Variants in TAF2 observed in about 807,000 individuals in gnomAD.
TAF2 encodes transcription initiation factor TFIID subunit 2.
Under a neutral mutation model 138.5 loss-of-function variants are expected in TAF2, and 61 were observed. The ratio of observed to expected loss-of-function variants is 0.44; its 90% CI spans 0.36 to 0.54. The LOEUF (loss-of-function observed/expected upper bound fraction) is 0.54. Ranked by LOEUF, TAF2 falls within the 20% of genes least tolerant of loss-of-function variation. The pLI is 0.00. For synonymous variants in TAF2, 475 were observed against 469.9 expected (o/e 1.01, Z -0.14); for missense variants, 1,090 against 1,427.9 (o/e 0.76, Z 3.81).
At chr8:119,832,171 TA>T (rs772438078) in intron 1 of TAF2, among the ~76,000 whole-genome samples, 174 of 137,746 alleles carry the variant, frequency 1.3e-3, no homozygotes, top group African/African-American at 2.5e-3. Context: ...ATTAAAAAAT[TA>T]AAAAAAAAAA....
chr8:119,797,715 G>C lies in TAF2; in HGVS notation c.924C>G (p.Phe308Leu). ...CCACTTCAACATAAGCCTCATCAAT[G>C]AAGACAGTCTTAAAACAGGAGTATG... ...RYPYSCFKTV[F>L]IDEAYVEVAA... The change falls in exon 7 of 26, where the codon TTC (phenylalanine) becomes TTG (leucine). Residue 308 changes from phenylalanine to leucine, a missense_variant. Phe to Leu is a conservative substitution (Grantham distance 22). Around this residue, in one of 3 missense-constraint regions of TAF2, gnomAD observed 504 missense variants for 680.9 expected, o/e 0.74. Coordinates refer to ENST00000378164, the MANE Select transcript of TAF2 (RefSeq NM_003184.4). 2 of 1,613,564 alleles carry C rather than the reference G, an allele frequency of 1.2e-6. No individual in the cohort carries two copies. Among genetic ancestry groups the C allele is most frequent in the Non-Finnish European group, 1.7e-6 (2 of 1,179,726 alleles).
chr8:119,774,158 G>A (rs922978177), intron 18 of TAF2, among the ~76,000 whole-genome samples: 17 of 151,006 alleles, frequency 1.1e-4, no homozygotes, highest in Admixed American at 3.3e-4. Context: ...GGGACAGAGC[G>A]AGACTCCATC....
rs190123132 is a variant in TAF2 at position 119,736,777 on chromosome 8, T to C, written c.3338-4591A>G. On this transcript the variant is annotated intron_variant, in intron 25 of 25. Transcript: ENST00000378164. ...ACCTCAAAAAGAGTCGACCAGACAT[T>C]GTATGCTTCCAGACTAAAGAACACA... 3.9e-4 allele frequency among the ~76,000 whole-genome samples: 60 copies of C among 152,288 alleles called. No individual in the cohort carries two copies. In the Middle Eastern group the frequency reaches 0.027, roughly 69 times the overall value.
chr8:119,736,614 G>T (rs184775913), intron 25 of TAF2, among the ~76,000 whole-genome samples: 1 of 152,224 alleles, frequency 6.6e-6, no homozygotes, highest in Non-Finnish European at 1.5e-5. Context: ...TTATACCACT[G>T]GGTAATAGTA....
chr8:119,778,330 C>G (rs1412442069), intron 17 of TAF2, among the ~76,000 whole-genome samples: 1 of 152,156 alleles, frequency 6.6e-6, no homozygotes, highest in Non-Finnish European at 1.5e-5. Context: ...GGGCAGGAAA[C>G]TAAGGGAAGA....
intron 20 of TAF2, among the ~76,000 whole-genome samples, chr8:119,759,669 T>C (rs1273651206): frequency 6.6e-6 from 1 of 152,160 alleles, no homozygotes; most frequent in Non-Finnish European, 1.5e-5. Flanking sequence ...AGTTCTTTCA[T>C]TTCACATTTT....
At chr8:119,758,210 G>C (rs1820832339) in intron 20 of TAF2, 68 bp from the exon 21 acceptor site, 9 of 1,344,758 alleles carry the variant, frequency 6.7e-6, no homozygotes, top group Non-Finnish European at 9.4e-6. Context: ...TGAGTGACAA[G>C]CAGGGAGTTT....
chr8:119,763,543 A>G (rs575157180), intron 18 of TAF2, among the ~76,000 whole-genome samples: 332 of 152,140 alleles, frequency 2.2e-3, no homozygotes, highest in African/African-American at 7.8e-3. Flanking sequence ...CAGCCTGGCC[A>G]ACATGGTGAA....
Position 119,788,086 on chromosome 8 carries a change from C to T in TAF2, c.1793+252G>A, listed in dbSNP as rs556047899. ...GGGAACATCACACACCGGGGCCTGT[C>T]AGGAGGTGGGGGGCTAGGGGAAGGA... On this transcript the variant is annotated intron_variant, in intron 14 of 25. Coordinates refer to ENST00000378164, the MANE Select transcript of TAF2 (RefSeq NM_003184.4). Among the ~76,000 whole-genome samples, 3 of 152,122 alleles carry T rather than the reference C, an allele frequency of 2.0e-5. No individual in the cohort carries two copies. In the East Asian group the frequency reaches 5.8e-4, roughly 29 times the overall value.
chr8:119,805,073 C>T (rs1476301523), intron 4 of TAF2, among the ~76,000 whole-genome samples: 2 of 152,166 alleles, frequency 1.3e-5, no homozygotes, highest in Non-Finnish European at 2.9e-5. Context: ...ATAAACAAAA[C>T]AAGGACTCTT....
At chr8:119,819,237 A>G in intron 3 of TAF2, 109 bp downstream of exon 3, 2 of 1,122,468 alleles carry the variant, frequency 1.8e-6, no homozygotes, top group Non-Finnish European at 2.6e-6. Flanking sequence ...TGGGATTCAA[A>G]GCCCATTAAC....
chr8:119,777,850 C>T (rs1332724483), intron 18 of TAF2, among the ~76,000 whole-genome samples, 169 bp downstream of exon 18: 3 of 152,148 alleles, frequency 2.0e-5, no homozygotes, highest in Admixed American at 1.3e-4. Flanking sequence ...TGTTTACATG[C>T]CTCTATCTCT....
At chr8:119,787,141 T>G (rs1041225173) in intron 14 of TAF2, among the ~76,000 whole-genome samples, 8 of 152,138 alleles carry the variant, frequency 5.3e-5, no homozygotes, top group African/African-American at 1.9e-4. Flanking sequence ...GAAAAATTTT[T>G]GCAATCTATC....
intron 3 of TAF2, among the ~76,000 whole-genome samples, chr8:119,806,809 T>C (rs1269672650): frequency 2.0e-5 from 3 of 152,150 alleles, no homozygotes; most frequent in Non-Finnish European, 4.4e-5. Flanking sequence ...CAATTATTTG[T>C]AAGCATTTTA....
At chr8:119,753,655 A>G (rs565399585) in intron 22 of TAF2, among the ~76,000 whole-genome samples, 5 of 152,342 alleles carry the variant, frequency 3.3e-5, no homozygotes, top group Non-Finnish European at 7.4e-5. Flanking sequence ...ACTAAACATC[A>G]GTCACAGCTT....
chr8:119,829,919 G>A (rs1017374170), intron 2 of TAF2, among the ~76,000 whole-genome samples: 4 of 149,328 alleles, frequency 2.7e-5, no homozygotes, highest in African/African-American at 9.9e-5. Flanking sequence ...GAGTGCAGTG[G>A]CGCGATCTCG....
Position 119,762,446 on chromosome 8 carries a change from GA to G in TAF2, c.2526del (p.Leu843PhefsTer13), listed in dbSNP as rs1821130213. On this transcript the variant is annotated frameshift_variant, in exon 19 of 26. Coordinates refer to ENST00000378164, the MANE Select transcript of TAF2 (RefSeq NM_003184.4). LOFTEE classifies it high-confidence loss of function. ...EITRFLNMEKLLPSYRHTITV... is the reference protein window; with the variant it reads ...EITRFLNMEKXLPSYRHTITV... Reference sequence around the variant, plus strand: ...GTGATGGTATGCCTGTAACTCGGAAGAAGTTTTTCCATATTCAAAAATCTGG... The same window carrying G: ...GTGATGGTATGCCTGTAACTCGGAAGAGTTTTTCCATATTCAAAAATCTGG... 1 of 1,613,948 alleles carries G rather than the reference GA, an allele frequency of 6.2e-7. No individual in the cohort carries two copies.
chr8:119,790,298 C>T (rs1823327105), intron 11 of TAF2, among the ~76,000 whole-genome samples: 1 of 151,888 alleles, frequency 6.6e-6, no homozygotes, highest in African/African-American at 2.4e-5. Flanking sequence ...TAGTCAGGCA[C>T]GATGGTGCAT....
chr8:119,817,275 G>A (rs1427658631), intron 3 of TAF2, among the ~76,000 whole-genome samples: 1 of 152,138 alleles, frequency 6.6e-6, no homozygotes, highest in African/African-American at 2.4e-5. Flanking sequence ...CACACAGCAG[G>A]AGGTGAGTAG....
Sources: gnomAD v4.1 joint callset for allele counts (sites outside exome capture counted in the v4.1 genomes callset) on GRCh38, gnomAD v4.1.1 for gene constraint, gnomAD v4.1.1 regional missense constraint, MANE v1.5 for transcripts, NCBI Gene and HGNC (gene_info 2026-07-23, HGNC 2026-07-21) for gene names.